The following HTR4 variants were observed in gnomAD, a reference collection of about 807,000 sequenced individuals.
HTR4 encodes 5-hydroxytryptamine receptor 4, also known as 5-hydroxytryptamine (serotonin) receptor 4, G protein-coupled.
HTR4 carries 16 observed loss-of-function variants against 36.8 expected under a neutral mutation model. The observed-to-expected ratio is 0.43, with a 90% CI of 0.29 to 0.66. HTR4 has a LOEUF of 0.66. Ranked by LOEUF, HTR4 falls within the 30% of genes least tolerant of loss-of-function variation. HTR4 has a pLI of 0.13. For synonymous variants in HTR4, 189 were observed against 185.1 expected, an observed-to-expected ratio of 1.02 and a Z score of -0.17; for missense variants, 438 against 490.9, an observed-to-expected ratio of 0.89 and a Z score of 1.02.
intron 1 of HTR4, among the ~76,000 whole-genome samples, chr5:148,638,537 A>T (rs1753623784): frequency 6.6e-6 from 1 of 152,076 alleles, no homozygotes; most frequent in Non-Finnish European, 1.5e-5. Flanking sequence ...CTACGTTGAG[A>T]CTTTCCCAGG....
Position 148,654,041 on chromosome 5 carries a change from C to G in HTR4, c.-48+21G>C, listed in dbSNP as rs1216493352. 13 of 985,182 alleles carry G rather than the reference C, an allele frequency of 1.3e-5. No individual in the cohort carries two copies. The African/African-American group carries it at 1.9e-4, about 15-fold the overall frequency. The allele number at this position is 985,182 out of a possible 1,614,324, so 61.0% of individuals were successfully genotyped here. ...CGTGGGCTCCTGGGGTCCCGACCCC[C>G]GGCGCACTTGCCGCACATACCCGCT... On this transcript the variant is annotated intron_variant, in intron 1 of 6. Coordinates refer to ENST00000377888, the MANE Select transcript of HTR4 (RefSeq NM_000870.7).
intron 3 of HTR4, among the ~76,000 whole-genome samples, chr5:148,549,284 C>T (rs1045144637): frequency 5.3e-5 from 8 of 152,160 alleles, no homozygotes; most frequent in African/African-American, 1.7e-4. Context: ...AGGAAACTCT[C>T]CCAAGGTATG....
At chr5:148,585,734 T>C (rs998217651) in intron 2 of HTR4, among the ~76,000 whole-genome samples, 8 of 152,200 alleles carry the variant, frequency 5.3e-5, no homozygotes. Flanking sequence ...TTTGTCTATA[T>C]CCTGAAATTC....
Position 148,531,070 on chromosome 5 carries a change from T to C in HTR4, c.354-7724A>G, listed in dbSNP as rs140683837. Among the ~76,000 whole-genome samples the C allele has an allele frequency of 5.2e-3, 798 of 152,306 alleles. 10 individuals are homozygous for C. The highest frequency in any genetic ancestry group is 0.018 in the African/African-American group (761 of 41,564). On this transcript the variant is annotated intron_variant, in intron 4 of 6. Transcript: ENST00000377888. The stretch of plus-strand genomic sequence containing the variant: ...ACTTGCTTTTGATTTTACAGGCTCA[T>C]AGGCAGAAGGGACTTGCCTTGTCTC...
At chr5:148,493,535 G>A (rs1000358123) in intron 6 of HTR4, among the ~76,000 whole-genome samples, 7 of 152,086 alleles carry the variant, frequency 4.6e-5, no homozygotes, top group Non-Finnish European at 8.8e-5. Context: ...ATTGATTCAT[G>A]TATCAACGAT....
At chr5:148,536,216 T>C (rs567285135) in intron 4 of HTR4, among the ~76,000 whole-genome samples, 9 of 152,300 alleles carry the variant, frequency 5.9e-5, no homozygotes, top group African/African-American at 2.2e-4. Flanking sequence ...AGACCTGCTT[T>C]ACAAGAGATC....
chr5:148,451,489 G>A (rs1454866667), intron 5 of HTR4, among the ~76,000 whole-genome samples: 3 of 152,112 alleles, frequency 2.0e-5, no homozygotes, highest in Non-Finnish European at 4.4e-5. Flanking sequence ...AGTCCTGGAG[G>A]AAACGACAGG....
chr5:148,475,667 C>T (rs902001079), downstream of HTR4, among the ~76,000 whole-genome samples: 7 of 152,330 alleles, frequency 4.6e-5, no homozygotes, highest in Admixed American at 3.3e-4. Context: ...CTGCCACTTC[C>T]ACCACTTCCC....
At position 148,509,535 on chromosome 5, in the gene HTR4, G is replaced by A. The variant is rs201581177; in HGVS notation, c.997C>T (p.Arg333Cys). ...FLIILCCDDE[R>C]YRRPSILGQT... ...CCCAGAATGGAAGGTCTTCGGTAGCGCTCATCATCACAGCAGAGGATGATG... is the reference window on the plus strand; with the variant it reads ...CCCAGAATGGAAGGTCTTCGGTAGCACTCATCATCACAGCAGAGGATGATG... The change falls in exon 6 of 7, where the codon CGC becomes TGC. Residue 333 changes from arginine to cysteine, a missense_variant. Physicochemically the swap from Arg to Cys is radical, Grantham distance 180 (BLOSUM62 -3). Coordinates refer to ENST00000377888, the MANE Select transcript of HTR4 (RefSeq NM_000870.7). 19 of 1,613,846 alleles carry A rather than the reference G, an allele frequency of 1.2e-5. No homozygotes were observed. Among genetic ancestry groups the A allele is most frequent in the Admixed American group, 6.7e-5 (4 of 59,970 alleles).
chr5:148,597,768 C>A (rs758920416), intron 2 of HTR4, among the ~76,000 whole-genome samples: 15 of 152,164 alleles, frequency 9.9e-5, no homozygotes, highest in Non-Finnish European at 1.6e-4. Flanking sequence ...TCTTTTCCTG[C>A]ATAAGTTATT....
At chr5:148,626,575 G>C (rs1753116219) in intron 2 of HTR4, among the ~76,000 whole-genome samples, 1 of 152,172 alleles carries the variant, frequency 6.6e-6, no homozygotes, top group South Asian at 2.1e-4. Flanking sequence ...CAGGTGATTT[G>C]CTCTCATAAG....
At chr5:148,573,884 C>G (rs1392798610) in intron 2 of HTR4, among the ~76,000 whole-genome samples, 1 of 151,950 alleles carries the variant, frequency 6.6e-6, no homozygotes, top group Non-Finnish European at 1.5e-5. Flanking sequence ...AATGGTCTAC[C>G]TGGATCTACA....
intron 2 of HTR4, among the ~76,000 whole-genome samples, chr5:148,636,414 G>A (rs1753537931): frequency 6.6e-6 from 1 of 152,074 alleles, no homozygotes; most frequent in Admixed American, 6.6e-5. Context: ...CTATTTGATT[G>A]TGCCAAATAA....
chr5:148,529,191 C>T (rs191602399), intron 4 of HTR4, among the ~76,000 whole-genome samples: 5 of 152,054 alleles, frequency 3.3e-5, no homozygotes, highest in Non-Finnish European at 7.4e-5. Context: ...CATTGAAAAG[C>T]CACTTTGGAA....
intron 5 of HTR4, among the ~76,000 whole-genome samples, chr5:148,512,834 G>A (rs569361607): frequency 6.6e-6 from 1 of 152,202 alleles, no homozygotes; most frequent in South Asian, 2.1e-4. Flanking sequence ...GGGTGGCTGA[G>A]GCACTAGAAT....
At chr5:148,597,586 C>T (rs1179060311) in intron 2 of HTR4, among the ~76,000 whole-genome samples, 1 of 152,132 alleles carries the variant, frequency 6.6e-6, no homozygotes, top group Non-Finnish European at 1.5e-5. Context: ...CTTCAAGGTG[C>T]CATGATCTCT....
At chr5:148,602,901 T>C (rs1052918342) in intron 2 of HTR4, among the ~76,000 whole-genome samples, 1 of 151,992 alleles carries the variant, frequency 6.6e-6, no homozygotes, top group African/African-American at 2.4e-5. Context: ...AATGGAGAAA[T>C]TCCCAGAAAA....
At chr5:148,514,853 C>T (rs1757664293) in intron 5 of HTR4, among the ~76,000 whole-genome samples, 1 of 152,054 alleles carries the variant, frequency 6.6e-6, no homozygotes, top group Non-Finnish European at 1.5e-5. Flanking sequence ...CACCAACTTT[C>T]CTTGACTTAT....
In HTR4 at chr5:148,483,118, C is replaced by A; in HGVS notation, c.*85G>T. 6.3e-7 allele frequency: 1 copy of A among 1,592,910 alleles called. No individual in the cohort carries two copies. The highest frequency in any genetic ancestry group is 8.6e-7 in the Non-Finnish European group (1 of 1,168,270). ...GGAAAGCCTCAGGTGAAGAGAATAC[C>A]GGGTGCAGTCGCGCACAAGCAGCAG... On this transcript the variant is annotated 3_prime_UTR_variant, in exon 7 of 7. Transcript: ENST00000377888.
Sources: gnomAD v4.1 joint callset for allele counts (sites outside exome capture counted in the v4.1 genomes callset) on GRCh38, gnomAD v4.1.1 for gene constraint, MANE v1.5 for transcripts, NCBI Gene and HGNC (gene_info 2026-07-23, HGNC 2026-07-21) for gene names.